Variants in CNTNAP2 observed in about 807,000 individuals in gnomAD.
CNTNAP2 encodes contactin-associated protein-like 2.
CNTNAP2 carries 98 observed loss-of-function variants against 155.2 expected under a neutral mutation model. The observed-to-expected ratio is 0.63, with a 90% CI of 0.54 to 0.75. The LOEUF is 0.75. CNTNAP2 is among the 30% of genes least tolerant of loss of function. The probability of loss-of-function intolerance (pLI) is 0.00; values close to 1 mark genes in which losing one functional copy is unlikely to be tolerated. For synonymous variants in CNTNAP2, 651 were observed against 631.2 expected (o/e 1.03, Z -0.47); for missense variants, 1,727 against 1,688.1 (o/e 1.02, Z -0.40).
At chr7:146,762,363 G>A (rs1802116983) in intron 1 of CNTNAP2, among the ~76,000 whole-genome samples, 1 of 152,128 alleles carries the variant, frequency 6.6e-6, no homozygotes, top group Non-Finnish European at 1.5e-5. Flanking sequence ...CACTTTGGGA[G>A]GCCGAGGCGG....
At chr7:146,738,277 T>G (rs574953522) in intron 1 of CNTNAP2, among the ~76,000 whole-genome samples, 2 of 152,052 alleles carry the variant, frequency 1.3e-5, no homozygotes, top group Non-Finnish European at 2.9e-5. Flanking sequence ...TTCAACATTT[T>G]TTTTCATATA....
At chr7:147,735,131 T>A (rs1359213456) in intron 13 of CNTNAP2, among the ~76,000 whole-genome samples, 19 of 152,184 alleles carry the variant, frequency 1.2e-4, no homozygotes, top group Non-Finnish European at 7.3e-5. Flanking sequence ...CAATTTTAGA[T>A]CTTTCCTGCT....
intron 19 of CNTNAP2, among the ~76,000 whole-genome samples, chr7:148,222,863 T>C (rs1252794921): frequency 1.3e-5 from 2 of 152,164 alleles, no homozygotes; most frequent in African/African-American, 4.8e-5. Flanking sequence ...AGCTGGACCG[T>C]CTGGGTTTGA....
chr7:147,398,604 T>TTTG (rs1796860979), intron 10 of CNTNAP2, among the ~76,000 whole-genome samples: 1 of 148,206 alleles, frequency 6.7e-6, no homozygotes, highest in Non-Finnish European at 1.5e-5. Context: ...TTTTTTTTTT[T>TTTG]TTTTGCTTTG....
intron 1 of CNTNAP2, among the ~76,000 whole-genome samples, chr7:146,256,125 C>A (rs1223613173): frequency 3.9e-5 from 6 of 152,128 alleles, no homozygotes; most frequent in Admixed American, 3.9e-4. Context: ...TTGGGGCAAA[C>A]CCTACTGGAA....
At chr7:146,808,303 A>C (rs555344512) in intron 2 of CNTNAP2, among the ~76,000 whole-genome samples, 24 of 152,248 alleles carry the variant, frequency 1.6e-4, no homozygotes, top group African/African-American at 5.1e-4. Flanking sequence ...ATTTCATGCA[A>C]TATAACAAGA....
intron 14 of CNTNAP2, among the ~76,000 whole-genome samples, chr7:147,964,508 CT>C (rs771376557): frequency 1.8e-4 from 28 of 152,240 alleles, no homozygotes; most frequent in African/African-American, 6.7e-4. Context: ...GCAATTTCCC[CT>C]TCTGGATCCT....
chr7:148,295,707 G>A (rs1453668919), intron 21 of CNTNAP2, among the ~76,000 whole-genome samples: 1 of 151,490 alleles, frequency 6.6e-6, no homozygotes, highest in Non-Finnish European at 1.5e-5. Flanking sequence ...TAGCCAGGAT[G>A]GTCTCCATCT....
chr7:146,246,399 C>T (rs1254072898), intron 1 of CNTNAP2, among the ~76,000 whole-genome samples: 6 of 150,450 alleles, frequency 4.0e-5, no homozygotes. Flanking sequence ...AAAAGGAGTG[C>T]TTAAAAGAGT....
At position 147,014,726 on chromosome 7, in the gene CNTNAP2, G is replaced by A. The variant is rs564899074; in HGVS notation, c.403-29181G>A. On this transcript the variant is annotated intron_variant, in intron 3 of 23. Transcript: ENST00000361727. ...TCCCCTGCCAGTGTTTGGTGGAAAG[G>A]CGGTTAATCCGGAGTGAAAGGCCTC... Among the ~76,000 whole-genome samples the A allele has an allele frequency of 7.2e-5, 11 of 152,232 alleles. No individual in the cohort carries two copies. The East Asian group carries it at 1.9e-3, about 27-fold the overall frequency.
chr7:147,779,137 G>A (rs1396131338), intron 13 of CNTNAP2, among the ~76,000 whole-genome samples: 1 of 152,102 alleles, frequency 6.6e-6, no homozygotes, highest in East Asian at 1.9e-4. Flanking sequence ...AGATAATAGT[G>A]AATAAAAAAT....
chr7:148,372,328 C>T (rs933101309), intron 21 of CNTNAP2, among the ~76,000 whole-genome samples: 1 of 152,100 alleles, frequency 6.6e-6, no homozygotes, highest in African/African-American at 2.4e-5. Context: ...ATATGAAGGC[C>T]TAGGACATTA....
At chr7:146,748,143 C>CTTTTCTTTTCTTT (rs60181692) in intron 1 of CNTNAP2, among the ~76,000 whole-genome samples, 1 of 98,004 alleles carries the variant, frequency 1.0e-5, no homozygotes, top group African/African-American at 4.1e-5. Context: ...CTTTTCTTTT[C>CTTTTCTTTTCTTT]TTTTTTTTTT....
chr7:147,805,352 A>T (rs1184883737), intron 13 of CNTNAP2, among the ~76,000 whole-genome samples: 1 of 152,220 alleles, frequency 6.6e-6, no homozygotes, highest in Admixed American at 6.5e-5. Flanking sequence ...TCTAAATATA[A>T]GATTATATCA....
intron 12 of CNTNAP2, among the ~76,000 whole-genome samples, chr7:147,595,228 CA>C (rs1289851036): frequency 6.6e-6 from 1 of 152,178 alleles, no homozygotes; most frequent in East Asian, 1.9e-4. Context: ...CTCTAACAGC[CA>C]TAGTCAGTAA....
intron 1 of CNTNAP2, among the ~76,000 whole-genome samples, chr7:146,160,579 C>T (rs551357027): frequency 5.1e-4 from 77 of 152,254 alleles, no homozygotes; most frequent in African/African-American, 1.3e-3. Flanking sequence ...AACATCTCCA[C>T]GCAAATAAAC....
At chr7:147,239,696 C>T (rs1267453152) in intron 8 of CNTNAP2, among the ~76,000 whole-genome samples, 1 of 152,076 alleles carries the variant, frequency 6.6e-6, no homozygotes, top group African/African-American at 2.4e-5. Flanking sequence ...ATTGCCATTT[C>T]TAGAAGTTAA....
chr7:147,734,745 A>G (rs1236560732), intron 13 of CNTNAP2, among the ~76,000 whole-genome samples: 3 of 151,998 alleles, frequency 2.0e-5, no homozygotes, highest in African/African-American at 4.8e-5. Context: ...TTAGTCTTGG[A>G]AGGGTGTATG....
intron 11 of CNTNAP2, among the ~76,000 whole-genome samples, chr7:147,547,277 T>A (rs553620112): frequency 6.6e-6 from 1 of 152,216 alleles, no homozygotes; most frequent in Non-Finnish European, 1.5e-5. Flanking sequence ...CAACTCATCC[T>A]AAGCCAGTAT....
Sources: gnomAD v4.1 joint callset for allele counts (sites outside exome capture counted in the v4.1 genomes callset) on GRCh38, gnomAD v4.1.1 for gene constraint, MANE v1.5 for transcripts, NCBI Gene and HGNC (gene_info 2026-07-23, HGNC 2026-07-21) for gene names.